Variants in TRIP11 observed in about 807,000 individuals in gnomAD.
TRIP11 encodes thyroid receptor-interacting protein 11.
A neutral mutation model predicts 223.1 loss-of-function variants in TRIP11; 148 were observed. The observed-to-expected ratio is 0.66, with a 90% CI of 0.58 to 0.76. The LOEUF is 0.76. Among genes scored for constraint, TRIP11 ranks in the 30% least tolerant of loss-of-function variants. The probability of loss-of-function intolerance (pLI) is 0.00; values close to 1 mark genes in which losing one functional copy is unlikely to be tolerated. For synonymous variants in TRIP11, 762 were observed against 772.6 expected (o/e 0.99, Z 0.23); for missense variants, 2,043 against 2,222.0 (o/e 0.92, Z 1.62).
rs748167842 is a variant in TRIP11 at position 92,003,789 on chromosome 14, T to C, written c.4187A>G (p.Lys1396Arg). The change falls in exon 11 of 21, where the codon AAG becomes AGG. Residue 1396 changes from lysine (K) to arginine (R), a missense_variant. Coordinates refer to ENST00000267622, the MANE Select transcript of TRIP11 (RefSeq NM_004239.4). ...AACATCTTGTTTCTCCTTTAGCTGC[T>C]TGATTTCTGAATCGGTTTGTTCGTG... ...KEHEQTDSEI[K>R]QLKEKQDVLQ... The C allele has an allele frequency of 3.1e-6, 5 of 1,614,226 alleles. No homozygotes were observed. Among genetic ancestry groups the C allele is most frequent in the South Asian group, 1.1e-5 (1 of 91,088 alleles).
At chr14:91,981,080 G>A (rs1350113949) in intron 16 of TRIP11, among the ~76,000 whole-genome samples, 1 of 129,886 alleles carries the variant, frequency 7.7e-6, no homozygotes, top group Non-Finnish European at 1.6e-5. Context: ...GTACAGTGGC[G>A]CCCCAGCTCA....
At chr14:91,999,135 G>T in intron 13 of TRIP11, 105 bp downstream of exon 13, 3 of 1,246,662 alleles carry the variant, frequency 2.4e-6, no homozygotes, top group Non-Finnish European at 2.3e-6. Flanking sequence ...ATAAAATACA[G>T]ATAATGAATT....
In TRIP11 at chr14:92,037,596, G is replaced by A. The variant is rs745330305; in HGVS notation, c.139+1951C>T. Among the ~76,000 whole-genome samples, 41 of 152,224 alleles carry A rather than the reference G, an allele frequency of 2.7e-4. No homozygotes were observed. Among genetic ancestry groups the A allele is most frequent in the African/African-American group, 1.2e-4 (5 of 41,446 alleles). The stretch of plus-strand genomic sequence containing the variant: ...AACTAGAAAAGGTACATTGAAGGTC[G>A]GGTGCGGTGGCTCACGCCTGTAATC... On this transcript the variant is annotated intron_variant, in intron 1 of 20. Coordinates refer to ENST00000267622, the MANE Select transcript of TRIP11 (RefSeq NM_004239.4). This position sits in a 1 kb window ranked among gnomAD's most constrained non-coding sequence, Gnocchi z 4.2.
intron 16 of TRIP11, among the ~76,000 whole-genome samples, chr14:91,977,659 C>CTATTAACTCCTATT (rs57322613): frequency 6.6e-6 from 1 of 150,412 alleles, no homozygotes; most frequent in Admixed American, 6.6e-5. Context: ...TCAGGACTGC[C>CTATTAACTCCTATT]CTCACCTTTC....
intron 13 of TRIP11, among the ~76,000 whole-genome samples, chr14:91,996,189 A>G (rs1172440703): frequency 6.6e-6 from 1 of 152,066 alleles, no homozygotes; most frequent in Non-Finnish European, 1.5e-5. Flanking sequence ...CCTACTATCT[A>G]TCTCTGTTAA....
chr14:91,982,820 T>C (rs921868608), intron 16 of TRIP11, among the ~76,000 whole-genome samples: 1 of 152,318 alleles, frequency 6.6e-6, no homozygotes. Context: ...ATTATCATCA[T>C]AGCCTCAGTT....
chr14:92,007,315 C>T (rs1161306247), intron 10 of TRIP11, among the ~76,000 whole-genome samples: 3 of 152,084 alleles, frequency 2.0e-5, no homozygotes, highest in African/African-American at 7.2e-5. Flanking sequence ...TGAGCCACTG[C>T]GCCCGGCATG....
At chr14:92,002,559 C>T (rs2056839600) in intron 11 of TRIP11, among the ~76,000 whole-genome samples, 2 of 151,646 alleles carry the variant, frequency 1.3e-5, no homozygotes, top group African/African-American at 4.8e-5. Flanking sequence ...ACCTGAATAA[C>T]ACATTCTTTT....
chr14:92,038,809 T>C (rs1025876565), intron 1 of TRIP11, among the ~76,000 whole-genome samples: 2 of 152,186 alleles, frequency 1.3e-5, no homozygotes, highest in Non-Finnish European at 2.9e-5. Flanking sequence ...GAAATCAAAA[T>C]AGTAATTAAT....
intron 11 of TRIP11, among the ~76,000 whole-genome samples, chr14:92,000,444 T>C (rs1455994324): frequency 6.6e-6 from 1 of 152,192 alleles, no homozygotes. Context: ...AAGTATGAAC[T>C]TTAGTTCAGT....
intron 4 of TRIP11, 78 bp from the exon 5 acceptor site, chr14:92,017,828 C>T (rs2057054387): frequency 5.5e-6 from 7 of 1,265,508 alleles, no homozygotes; most frequent in Non-Finnish European, 7.9e-6. Flanking sequence ...AACTTCATTA[C>T]AAGAATACTT....
rs2056902636 is a variant in TRIP11, at chr14:92,006,349, C to T, written c.1627G>A (p.Val543Ile). The T allele has an allele frequency of 1.2e-6, 2 of 1,611,398 alleles. No homozygotes were observed. The highest frequency in any genetic ancestry group is 8.5e-7 in the Non-Finnish European group (1 of 1,178,942). The change falls in exon 11 of 21, where the codon GTT (valine) becomes ATT (isoleucine). Residue 543 changes from valine to isoleucine, a missense_variant. Physicochemically the swap from Val to Ile is conservative, Grantham distance 29. Coordinates refer to ENST00000267622, the MANE Select transcript of TRIP11 (RefSeq NM_004239.4). ...ATTTTATCATCTTCAAGTTGATGAACTCTCTTTTTTTCATCATTTAGATCT... is the reference window on the plus strand; with the variant it reads ...ATTTTATCATCTTCAAGTTGATGAATTCTCTTTTTTTCATCATTTAGATCT... The part of the protein sequence containing the change: ...KQDLNDEKKR[V>I]HQLEDDKMDI...
Position 91,989,235 on chromosome 14 carries a change from A to G in TRIP11, c.5161-852T>C, listed in dbSNP as rs138564035. 4.6e-5 allele frequency among the ~76,000 whole-genome samples: 7 copies of G among 152,276 alleles called. No individual in the cohort carries two copies. The East Asian group carries it at 1.4e-3, about 29-fold the overall frequency. ...ATTCCTTGCCCAATAAATGCCATCT[A>G]TCCCCAGATAATCAGCACCACTCCC... On this transcript the variant is annotated intron_variant, in intron 15 of 20. Transcript: ENST00000267622.
At chr14:91,982,528 G>C (rs1160811904) in intron 16 of TRIP11, among the ~76,000 whole-genome samples, 4 of 152,170 alleles carry the variant, frequency 2.6e-5, no homozygotes, top group African/African-American at 9.7e-5. Context: ...CTACCTGAGT[G>C]ACAAGATCAT....
At chr14:92,002,275 A>T (rs1488373468) in intron 11 of TRIP11, among the ~76,000 whole-genome samples, 1 of 152,172 alleles carries the variant, frequency 6.6e-6, no homozygotes, top group African/African-American at 2.4e-5. Flanking sequence ...AAAAATTTAA[A>T]TATTATCAAA....
At position 91,969,621 on chromosome 14, in the gene TRIP11, T is replaced by C. The variant is rs1350083336; in HGVS notation, c.*52A>G. Reference sequence around the variant, plus strand: ...CACTTTGTGATAAAGTACATACATATAGTGTTCATGGTTTCTTTAAAGTGC... The same window carrying C: ...CACTTTGTGATAAAGTACATACATACAGTGTTCATGGTTTCTTTAAAGTGC... On this transcript the variant is annotated 3_prime_UTR_variant, in exon 21 of 21. Transcript: ENST00000267622. 13 of 1,560,226 alleles carry C rather than the reference T, an allele frequency of 8.3e-6. No individual in the cohort carries two copies. Among genetic ancestry groups the C allele is most frequent in the South Asian group, 3.3e-5 (3 of 89,818 alleles).
At chr14:92,011,985 G>A (rs2056979335) in intron 7 of TRIP11, among the ~76,000 whole-genome samples, 190 bp from the exon 8 acceptor site, 1 of 151,874 alleles carries the variant, frequency 6.6e-6, no homozygotes, top group African/African-American at 2.4e-5. Flanking sequence ...GTAAATGCCA[G>A]TTAAAAACCA....
rs1168544085 is a variant in TRIP11 at position 92,021,420 on chromosome 14, GACGGAATTAGAAT to G, written c.588+123_588+135del. 5.9e-4 allele frequency: 393 copies of G among 669,748 alleles called. 6 individuals carry two copies. The East Asian group carries it at 0.011, about 19-fold the overall frequency. 41.5% of individuals were successfully genotyped at this position (669,748 alleles called of 1,614,324 possible). A position where few individuals can be genotyped will look rare whatever the true frequency, so the allele number is the denominator to read the frequency against. ...AAAAAAAAAAAGAAAGAAAGTCACT[GACGGAATTAGAAT>G]ACACCTTTTCTATTTCCTAGTCCAG... On this transcript the variant is annotated intron_variant, in intron 4 of 20. Transcript: ENST00000267622.
At chr14:91,973,675 G>C (rs1490752197) in intron 19 of TRIP11, among the ~76,000 whole-genome samples, 1 of 152,072 alleles carries the variant, frequency 6.6e-6, no homozygotes, top group Non-Finnish European at 1.5e-5. Context: ...AGTAAAATAG[G>C]GTTTTATCTT....
Sources: gnomAD v4.1 joint callset for allele counts (sites outside exome capture counted in the v4.1 genomes callset) on GRCh38, gnomAD v4.1.1 for gene constraint, Gnocchi (gnomAD v3.1) non-coding constraint, MANE v1.5 for transcripts, NCBI Gene and HGNC (gene_info 2026-07-23, HGNC 2026-07-21) for gene names.